ARFGAP1: variants seen among roughly 807,000 people sequenced by gnomAD.
The protein encoded by ARFGAP1 is ARF GTPase activating protein 1.
In ARFGAP1, 26 loss-of-function variants were observed where a neutral mutation model predicts 54.0. That is an observed-to-expected ratio of 0.48 (90% CI 0.35 to 0.67). The LOEUF (loss-of-function observed/expected upper bound fraction) is 0.67, where lower values mean the gene tolerates loss of function less well. ARFGAP1 is among the 30% of genes least tolerant of loss of function. The pLI is 0.00. For synonymous variants in ARFGAP1, 248 were observed against 211.9 expected (o/e 1.17, Z -1.48); for missense variants, 525 against 535.8 (o/e 0.98, Z 0.20).
At chr20:63,280,666 C>T (rs548894671) in intron 7 of ARFGAP1, among the ~76,000 whole-genome samples, 3 of 152,316 alleles carry the variant, frequency 2.0e-5, no homozygotes, top group Admixed American at 6.5e-5. Context: ...GGAAGAAAAG[C>T]GCATTTTTCC....
chr20:63,284,744 T>C, intron 9 of ARFGAP1, 122 bp from the exon 10 acceptor site: 1 of 1,526,076 alleles, frequency 6.6e-7, no homozygotes, highest in African/African-American at 1.4e-5. Context: ...TGCGCTTGTA[T>C]CCTGCTGCCT....
chr20:63,273,776 G>A (rs1342664649), intron 1 of ARFGAP1, among the ~76,000 whole-genome samples: 1 of 152,212 alleles, frequency 6.6e-6, no homozygotes. Context: ...GTGGTGCTAT[G>A]GAAAGAGTAC....
rs1325564668 is a variant in ARFGAP1, at chr20:63,287,776, A to G, written c.1124A>G (p.Asn375Ser). The change falls in exon 13 of 13, where the codon AAC becomes AGC. Residue 375 changes from asparagine to serine, a missense_variant. Coordinates refer to ENST00000370283, the MANE Select transcript of ARFGAP1 (RefSeq NM_018209.4). ...TGGGGCTCGGCCTCCACCAACAGGA[A>G]CAGCAACAGCGACGGCGGGGAGGGC... ...EVWGSASTNR[N>S]SNSDGGEGGE... 3 of 1,608,244 alleles carry G rather than the reference A, an allele frequency of 1.9e-6. No individual in the cohort carries two copies. The highest frequency in any genetic ancestry group is 2.5e-6 in the Non-Finnish European group (3 of 1,178,066).
Position 63,288,509 on chromosome 20 carries a change from ACC to A in ARFGAP1, c.*637_*638del. The A allele has an allele frequency of 2.2e-6, 1 of 455,978 alleles. No individual in the cohort carries two copies. The highest frequency in any genetic ancestry group is 4.4e-6 in the Non-Finnish European group (1 of 226,758). 28.2% of individuals were successfully genotyped at this position (455,978 alleles called of 1,614,324 possible). A position where few individuals can be genotyped will look rare whatever the true frequency, so the allele number is the denominator to read the frequency against. On this transcript the variant is annotated 3_prime_UTR_variant, in exon 13 of 13. Coordinates refer to ENST00000370283, the MANE Select transcript of ARFGAP1 (RefSeq NM_018209.4). ...TCCCACCACCAAGTTCACCAGGTTC[ACC>A]AGACACGGCCTCCACAATAGCCACA...
rs2067251222 is a variant in ARFGAP1, at chr20:63,276,956, C to T, written c.343-249C>T. Among the ~76,000 whole-genome samples the T allele has an allele frequency of 6.6e-6, 1 of 152,134 alleles. No individual in the cohort carries two copies. The highest frequency in any genetic ancestry group is 2.4e-5 in the African/African-American group (1 of 41,404). On this transcript the variant is annotated intron_variant, in intron 4 of 12. Coordinates refer to ENST00000370283, the MANE Select transcript of ARFGAP1 (RefSeq NM_018209.4). This position sits in a 1 kb window ranked among gnomAD's most constrained non-coding sequence, Gnocchi z 5.2. ...AGTCTGGAGGCCAAATAGGTGGGTCCCCCTGTGTTGGAAGTTGGAGCTGCA... is the reference window on the plus strand; with the variant it reads ...AGTCTGGAGGCCAAATAGGTGGGTCTCCCTGTGTTGGAAGTTGGAGCTGCA...
intron 8 of ARFGAP1, among the ~76,000 whole-genome samples, chr20:63,282,600 C>A (rs1159535935): frequency 6.6e-6 from 1 of 152,236 alleles, no homozygotes; most frequent in Non-Finnish European, 1.5e-5. Flanking sequence ...CAATAGCACA[C>A]CGAGCTGGCC....
chr20:63,275,881 T>A (rs1489284213), intron 2 of ARFGAP1, among the ~76,000 whole-genome samples: 4 of 152,166 alleles, frequency 2.6e-5, no homozygotes, highest in Admixed American at 2.6e-4. Flanking sequence ...ATTTCTCAGG[T>A]CACTCGCTCT....
At chr20:63,287,460 G>A (rs2123326979) in intron 12 of ARFGAP1, 104 bp from the exon 13 acceptor site, 1 of 1,130,800 alleles carries the variant, frequency 8.8e-7, no homozygotes, top group Non-Finnish European at 1.2e-6. Flanking sequence ...GCGCTGGCCT[G>A]GGAAGGCGGT....
At chr20:63,286,341 A>G (rs1374218938) in intron 11 of ARFGAP1, 25 bp from the exon 12 acceptor site, 1 of 1,612,098 alleles carries the variant, frequency 6.2e-7, no homozygotes, top group Non-Finnish European at 8.5e-7. Context: ...GGGCCTGCCT[A>G]ACCTCTCTTC....
chr20:63,284,783 C>G, intron 9 of ARFGAP1, 83 bp from the exon 10 acceptor site: 1 of 1,580,332 alleles, frequency 6.3e-7, no homozygotes, highest in Non-Finnish European at 8.6e-7. Flanking sequence ...CTCGTGCTGC[C>G]CTTTGCTGGC....
At chr20:63,279,461 C>A (rs1034169129) in intron 7 of ARFGAP1, among the ~76,000 whole-genome samples, 16 of 152,196 alleles carry the variant, frequency 1.1e-4, no homozygotes, top group Non-Finnish European at 2.1e-4. Context: ...CCGCCTCGGC[C>A]TCCCAAAGTG....
rs571988960 is a variant in ARFGAP1, at chr20:63,278,924, T to A, written c.556T>A (p.Phe186Ile). 1.9e-5 allele frequency: 30 copies of A among 1,613,782 alleles called. No homozygotes were observed. The highest frequency in any genetic ancestry group is 2.5e-5 in the Non-Finnish European group (30 of 1,179,992). Residue 186 changes from phenylalanine (F) to isoleucine (I), a missense_variant, in exon 7 of 13, where the codon TTT (phenylalanine) becomes ATT (isoleucine). This residue lies in a region of ARFGAP1 where 466 missense variants were observed against 453.6 expected (regional missense o/e 1.03). Coordinates refer to ENST00000370283, the MANE Select transcript of ARFGAP1 (RefSeq NM_018209.4). ...QGAQGNRYVGFGNTPPPQKKE... is the reference protein window; with the variant it reads ...QGAQGNRYVGIGNTPPPQKKE... ...GGCCCAGGGGAATCGCTACGTGGGG[T>A]TTGGGAACACGCCACCGCCTCAGAA...
At chr20:63,283,802 G>A (rs368983189) in intron 9 of ARFGAP1, 345 of 1,608,722 alleles carry the variant, frequency 2.1e-4, no homozygotes, top group Non-Finnish European at 2.6e-4. Flanking sequence ...TACTAATGCC[G>A]CCCCTCACCT....
chr20:63,276,414 G>T lies in ARFGAP1; in HGVS notation c.171-66G>T, dbSNP rs898300724. On this transcript the variant is annotated intron_variant, in intron 3 of 12. Transcript: ENST00000370283. This position sits in a 1 kb window ranked among gnomAD's most constrained non-coding sequence, Gnocchi z 5.2. ...TGCTGTGTCTAATTCTCAGGACGATGCTGGGTGGAGGGTGTCCCTGGGTGT... is the reference window on the plus strand; with the variant it reads ...TGCTGTGTCTAATTCTCAGGACGATTCTGGGTGGAGGGTGTCCCTGGGTGT... The T allele has an allele frequency of 6.4e-7, 1 of 1,559,606 alleles. No individual in the cohort carries two copies. Among genetic ancestry groups the T allele is most frequent in the East Asian group, 2.2e-5 (1 of 44,454 alleles).
At chr20:63,284,204 G>A (rs949892189) in intron 9 of ARFGAP1, 12 of 1,268,124 alleles carry the variant, frequency 9.5e-6, no homozygotes, top group Middle Eastern at 3.0e-4. Flanking sequence ...GGCACTGGGC[G>A]CAGAGCTGCT....
At chr20:63,279,161 C>A in intron 7 of ARFGAP1, 166 bp downstream of exon 7, 1 of 736,186 alleles carries the variant, frequency 1.4e-6, no homozygotes, top group Non-Finnish European at 2.3e-6. Context: ...AAAAATGTGG[C>A]TTAAATTTTT....
At chr20:63,277,847 C>G (rs1183554087) in intron 5 of ARFGAP1, among the ~76,000 whole-genome samples, 2 of 152,246 alleles carry the variant, frequency 1.3e-5, no homozygotes, top group Admixed American at 6.5e-5. Context: ...GCCCTCTTGC[C>G]TCACCTCTCC....
intron 11 of ARFGAP1, 144 bp downstream of exon 11, chr20:63,285,857 C>A: frequency 6.9e-7 from 1 of 1,442,166 alleles, no homozygotes; most frequent in Non-Finnish European, 9.5e-7. Context: ...AGGAGAGCTG[C>A]CCAGCCTGAC....
At chr20:63,283,481 A>C in intron 9 of ARFGAP1, 1 of 292,760 alleles carries the variant, frequency 3.4e-6, no homozygotes. Flanking sequence ...GCATGGCTCT[A>C]GGACGCGCCT....
Sources: gnomAD v4.1 joint callset for allele counts (sites outside exome capture counted in the v4.1 genomes callset) on GRCh38, gnomAD v4.1.1 for gene constraint, gnomAD v4.1.1 regional missense constraint, Gnocchi (gnomAD v3.1) non-coding constraint, MANE v1.5 for transcripts, NCBI Gene and HGNC (gene_info 2026-07-23, HGNC 2026-07-21) for gene names.